The following HS6ST3 variants were observed in gnomAD, a reference collection of about 807,000 sequenced individuals.
HS6ST3 encodes the protein heparan-sulfate 6-O-sulfotransferase 3.
A neutral mutation model predicts 36.7 loss-of-function variants in HS6ST3; 12 were observed. That is an observed-to-expected ratio of 0.33 (90% CI 0.21 to 0.53). The LOEUF is 0.53. Among genes scored for constraint, HS6ST3 ranks in the 20% least tolerant of loss-of-function variants. The probability of loss-of-function intolerance (pLI) is 0.95; values close to 1 mark genes in which losing one functional copy is unlikely to be tolerated. For synonymous variants in HS6ST3, 240 were observed against 257.5 expected (o/e 0.93, Z 0.65); for missense variants, 584 against 640.9 (o/e 0.91, Z 0.96).
intron 1 of HS6ST3, among the ~76,000 whole-genome samples, chr13:96,236,330 G>A (rs577063424): frequency 8.5e-5 from 13 of 152,202 alleles, no homozygotes; most frequent in African/African-American, 3.1e-4. Context: ...ATCCAATCAA[G>A]TTGACACTTA....
chr13:96,663,586 A>G (rs1040282595), intron 1 of HS6ST3, among the ~76,000 whole-genome samples: 10 of 152,180 alleles, frequency 6.6e-5, no homozygotes, highest in Non-Finnish European at 1.2e-4. Flanking sequence ...TTTGGAAAAC[A>G]TTTTGGCAGT....
chr13:96,747,021 G>C (rs1876578890), intron 1 of HS6ST3, among the ~76,000 whole-genome samples: 1 of 152,074 alleles, frequency 6.6e-6, no homozygotes, highest in East Asian at 1.9e-4. Flanking sequence ...TATACTGCGA[G>C]ACTATTTTTT....
At chr13:96,336,310 T>C (rs775337864) in intron 1 of HS6ST3, among the ~76,000 whole-genome samples, 6 of 152,212 alleles carry the variant, frequency 3.9e-5, no homozygotes, top group Non-Finnish European at 5.9e-5. Context: ...TCTGTGTTTC[T>C]AATACCATGA....
chr13:96,127,607 G>A (rs905326214), intron 1 of HS6ST3, among the ~76,000 whole-genome samples: 5 of 152,296 alleles, frequency 3.3e-5, no homozygotes, highest in African/African-American at 1.2e-4. Context: ...GGTTGGAGCC[G>A]TCTGTTATCA....
At chr13:96,630,043 T>G (rs1236329046) in intron 1 of HS6ST3, among the ~76,000 whole-genome samples, 1 of 152,220 alleles carries the variant, frequency 6.6e-6, no homozygotes, top group Admixed American at 6.5e-5. Flanking sequence ...CTACTGAATT[T>G]TAAATGTTAT....
At chr13:96,442,028 T>G (rs148310143) in intron 1 of HS6ST3, among the ~76,000 whole-genome samples, 90 of 151,376 alleles carry the variant, frequency 5.9e-4, no homozygotes, top group African/African-American at 2.2e-3. Flanking sequence ...TAATATAGTT[T>G]TTTTTTTTTT....
intron 1 of HS6ST3, among the ~76,000 whole-genome samples, chr13:96,495,995 A>G (rs888065567): frequency 6.6e-6 from 1 of 152,192 alleles, no homozygotes; most frequent in African/African-American, 2.4e-5. Flanking sequence ...CCCCGTGTTA[A>G]TTGGGCCTTG....
intron 1 of HS6ST3, among the ~76,000 whole-genome samples, chr13:96,162,401 G>A (rs771322011): frequency 6.6e-6 from 1 of 152,200 alleles, no homozygotes; most frequent in Non-Finnish European, 1.5e-5. Context: ...AAATAGGTAG[G>A]CGACAGCGCC....
intron 1 of HS6ST3, among the ~76,000 whole-genome samples, chr13:96,407,394 T>C (rs2055484084): frequency 6.6e-6 from 1 of 152,206 alleles, no homozygotes; most frequent in Non-Finnish European, 1.5e-5. Flanking sequence ...CTGTTTAACT[T>C]TACTAAGTCT....
intron 1 of HS6ST3, among the ~76,000 whole-genome samples, chr13:96,137,221 CT>C (rs1297559173): frequency 7.2e-5 from 9 of 125,496 alleles, no homozygotes; most frequent in African/African-American, 2.4e-4. Context: ...TTAATTTTGC[CT>C]GTCCTTGGGC....
intron 1 of HS6ST3, among the ~76,000 whole-genome samples, chr13:96,635,021 G>T (rs1282397108): frequency 6.6e-6 from 1 of 152,132 alleles, no homozygotes; most frequent in Non-Finnish European, 1.5e-5. Context: ...GCGTGTTCTT[G>T]ATGTGGCATT....
chr13:96,452,247 G>T (rs1297003737), intron 1 of HS6ST3, among the ~76,000 whole-genome samples: 1 of 152,156 alleles, frequency 6.6e-6, no homozygotes, highest in Non-Finnish European at 1.5e-5. Context: ...TAGAGATTCA[G>T]AACTTGAGGG....
intron 1 of HS6ST3, among the ~76,000 whole-genome samples, chr13:96,198,792 T>C (rs2054327382): frequency 6.6e-6 from 1 of 152,228 alleles, no homozygotes; most frequent in African/African-American, 2.4e-5. Context: ...TCCCACATTT[T>C]TGTATCTCCT....
At chr13:96,549,421 T>A (rs1360319435) in intron 1 of HS6ST3, among the ~76,000 whole-genome samples, 1 of 152,100 alleles carries the variant, frequency 6.6e-6, no homozygotes, top group African/African-American at 2.4e-5. Flanking sequence ...CAGAGAACAG[T>A]AGATTGGAAT....
At chr13:96,468,579 G>T (rs534685246) in intron 1 of HS6ST3, among the ~76,000 whole-genome samples, 1 of 151,924 alleles carries the variant, frequency 6.6e-6, no homozygotes, top group Non-Finnish European at 1.5e-5. Flanking sequence ...AGAAGTAAAA[G>T]ACATGCTGTT....
At chr13:96,132,366 G>A (rs1458915759) in intron 1 of HS6ST3, among the ~76,000 whole-genome samples, 2 of 151,382 alleles carry the variant, frequency 1.3e-5, no homozygotes, top group East Asian at 3.9e-4. Context: ...AATTTTTGAG[G>A]AACCTCCATA....
chr13:96,207,196 C>T (rs780197857), intron 1 of HS6ST3, among the ~76,000 whole-genome samples: 24 of 151,934 alleles, frequency 1.6e-4, no homozygotes, highest in African/African-American at 4.8e-4. Context: ...CCAACAAATA[C>T]GAAAAAAAGC....
chr13:96,680,864 G>A (rs1268928969), intron 1 of HS6ST3, among the ~76,000 whole-genome samples: 1 of 152,196 alleles, frequency 6.6e-6, no homozygotes, highest in Non-Finnish European at 1.5e-5. Context: ...AGGAGCATGT[G>A]GGTGGGTGAG....
chr13:96,659,381 A>G lies in HS6ST3; in HGVS notation c.708-173109A>G, dbSNP rs192245855. Among the ~76,000 whole-genome samples the G allele has an allele frequency of 4.6e-5, 7 of 152,200 alleles. No homozygotes were observed. The East Asian group carries it at 1.4e-3, about 29-fold the overall frequency. On this transcript the variant is annotated intron_variant, in intron 1 of 1. Coordinates refer to ENST00000376705, the MANE Select transcript of HS6ST3 (RefSeq NM_153456.4). ...TCATTTGCCTTTTTCTTATTAGGTT[A>G]TGGGAATTCTTGAGATAGCCCATAT...
Sources: gnomAD v4.1 joint callset for allele counts (sites outside exome capture counted in the v4.1 genomes callset) on GRCh38, gnomAD v4.1.1 for gene constraint, MANE v1.5 for transcripts, NCBI Gene and HGNC (gene_info 2026-07-23, HGNC 2026-07-21) for gene names.